Variants in UNC13B observed in about 807,000 individuals in gnomAD.
UNC13B encodes unc-13 homolog B.
A neutral mutation model predicts 211.0 loss-of-function variants in UNC13B; 144 were observed. That is an observed-to-expected ratio of 0.68 (90% confidence interval 0.60 to 0.78). The LOEUF (loss-of-function observed/expected upper bound fraction) is 0.78. Ranked by LOEUF, UNC13B falls within the 30% of genes least tolerant of loss-of-function variation. The probability of loss-of-function intolerance (pLI) is 0.00; values close to 1 mark genes in which losing one functional copy is unlikely to be tolerated. For missense variants in UNC13B, 1,777 were observed against 2,002.0 expected (o/e 0.89, Z 2.14); for synonymous variants, 709 against 725.8 (o/e 0.98, Z 0.37).
At chr9:35,394,046 G>A (rs1198221923) in intron 26 of UNC13B, among the ~76,000 whole-genome samples, 5 of 152,148 alleles carry the variant, frequency 3.3e-5, no homozygotes, top group South Asian at 2.1e-4. Flanking sequence ...GTTACAGATG[G>A]GGGTAATGAG....
intron 35 of UNC13B, 59 bp downstream of exon 35, chr9:35,399,507 G>A: frequency 6.2e-7 from 1 of 1,611,510 alleles, no homozygotes; most frequent in Non-Finnish European, 8.5e-7. Flanking sequence ...ATGGAGAGAG[G>A]GTGGCTGCGG....
At chr9:35,194,785 G>A (rs1822847047) in intron 1 of UNC13B, among the ~76,000 whole-genome samples, 1 of 152,068 alleles carries the variant, frequency 6.6e-6, no homozygotes, top group Non-Finnish European at 1.5e-5. Context: ...TGTTGTCTGG[G>A]GTAAATACCC....
chr9:35,348,769 A>G (rs1407078783), intron 11 of UNC13B, among the ~76,000 whole-genome samples: 2 of 152,320 alleles, frequency 1.3e-5, no homozygotes, highest in African/African-American at 4.8e-5. Flanking sequence ...TGAGGAAACT[A>G]ATTCACATAG....
At chr9:35,351,035 C>T (rs1832689121) in intron 11 of UNC13B, among the ~76,000 whole-genome samples, 1 of 152,310 alleles carries the variant, frequency 6.6e-6, no homozygotes, top group East Asian at 1.9e-4. Context: ...CTCCCAGCAG[C>T]TTGTCTCAAT....
chr9:35,290,081 A>G (rs1008638197), intron 7 of UNC13B, among the ~76,000 whole-genome samples: 1 of 152,160 alleles, frequency 6.6e-6, no homozygotes, highest in Non-Finnish European at 1.5e-5. Context: ...AGTTTCTTGA[A>G]ATTCAATTTG....
At chr9:35,342,171 A>G (rs751696971) in intron 11 of UNC13B, 17 of 985,428 alleles carry the variant, frequency 1.7e-5, no homozygotes, top group Admixed American at 6.1e-5. Context: ...TCGGTTGGGC[A>G]AGCAGTGGTG....
In UNC13B at chr9:35,397,632, C is replaced by G. The variant is rs1378855977; in HGVS notation, c.11677-3C>G. ...CCTTTTCTTTCCTTTCTCCTCTTCT[C>G]AGACCATCGGGAAGGTGCTGATGCA... On this transcript the variant is annotated splice_polypyrimidine_tract_variant and splice_region_variant and intron_variant, in intron 29 of 39. Coordinates refer to ENST00000635942, the MANE Select transcript of UNC13B (RefSeq NM_001371189.2). 4 of 1,612,630 alleles carry G rather than the reference C, an allele frequency of 2.5e-6. No homozygotes were observed. The African/African-American group carries it at 4.0e-5, about 16-fold the overall frequency.
intron 7 of UNC13B, among the ~76,000 whole-genome samples, chr9:35,286,226 C>CTTTTT (rs777657602): frequency 8.5e-5 from 10 of 117,652 alleles, no homozygotes; most frequent in Non-Finnish European, 1.4e-4. Flanking sequence ...AAGCTTGGAA[C>CTTTTT]TTTTTTTTTT....
At chr9:35,352,795 T>C in intron 11 of UNC13B, 2 of 1,232,136 alleles carry the variant, frequency 1.6e-6, no homozygotes, top group South Asian at 8.2e-5. Flanking sequence ...CTACCCCCCA[T>C]CAGTTTGAGG....
chr9:35,402,662 G>C (rs1216183651), intron 37 of UNC13B, among the ~76,000 whole-genome samples: 1 of 152,070 alleles, frequency 6.6e-6, no homozygotes, highest in African/African-American at 2.4e-5. Context: ...GAACTGGGGA[G>C]TTCATTCTAT....
intron 13 of UNC13B, among the ~76,000 whole-genome samples, chr9:35,371,149 T>C (rs906876819): frequency 3.9e-5 from 6 of 152,174 alleles, no homozygotes; most frequent in African/African-American, 7.2e-5. Flanking sequence ...CTGTTTCTGT[T>C]TTCTTTTTTC....
At chr9:35,325,346 A>T (rs1830947189) in intron 11 of UNC13B, among the ~76,000 whole-genome samples, 1 of 152,206 alleles carries the variant, frequency 6.6e-6, no homozygotes, top group East Asian at 1.9e-4. Flanking sequence ...TTGGTTGAGA[A>T]AAAAAATTTT....
chr9:35,290,190 T>C (rs1274664130), intron 7 of UNC13B, among the ~76,000 whole-genome samples: 1 of 152,114 alleles, frequency 6.6e-6, no homozygotes, highest in African/African-American at 2.4e-5. Context: ...TTCTGTGTTT[T>C]AGTGGATTTT....
chr9:35,289,006 T>A (rs1228451339), intron 7 of UNC13B, among the ~76,000 whole-genome samples: 2 of 316 alleles, frequency 6.3e-3, no homozygotes, highest in Non-Finnish European at 0.048. Flanking sequence ...ACAGGAGGGT[T>A]TTTTTTTTTT....
chr9:35,206,405 C>T (rs72725004), intron 1 of UNC13B, among the ~76,000 whole-genome samples: 238 of 152,102 alleles, frequency 1.6e-3, no homozygotes, highest in Middle Eastern at 3.4e-3. Flanking sequence ...CCCCTGGTAA[C>T]CACTAATCTG....
chr9:35,362,724 C>T (rs10972445), intron 11 of UNC13B, among the ~76,000 whole-genome samples: 20,767 of 149,864 alleles, frequency 0.14, 1,802 homozygotes, highest in Admixed American at 0.25. Context: ...GGTGTGAACC[C>T]AGGAGGTGGA....
chr9:35,216,957 A>G (rs1166992841), intron 1 of UNC13B, among the ~76,000 whole-genome samples: 1 of 152,212 alleles, frequency 6.6e-6, no homozygotes, highest in African/African-American at 2.4e-5. Flanking sequence ...CATTCTGCAA[A>G]TGACAAAATG....
At chr9:35,362,254 T>TGCAGAGA (rs113845948) in intron 11 of UNC13B, among the ~76,000 whole-genome samples, 4 of 151,988 alleles carry the variant, frequency 2.6e-5, no homozygotes, top group African/African-American at 9.7e-5. Context: ...AGGGACAGAG[T>TGCAGAGA]GCAGAGAGGG....
rs959275254 is a variant in UNC13B, at chr9:35,303,873, A to T, written c.4469A>T (p.Asp1490Val). 1.5e-5 allele frequency: 6 copies of T among 398,694 alleles called. No homozygotes were observed. Among genetic ancestry groups the T allele is most frequent in the Non-Finnish European group, 2.7e-5 (6 of 225,868 alleles). 24.7% of individuals were successfully genotyped at this position (398,694 alleles called of 1,614,324 possible). ...GAAAAGACTACATGCCCCGTAGTTG[A>T]TCAAGAATCATTAAGAATGGATGAA... Reference protein sequence around the residue: ...DHEKTTCPVVDQESLRMDENF... With the variant: ...DHEKTTCPVVVQESLRMDENF... Residue 1490 changes from aspartate to valine, a missense_variant, in exon 9 of 40, where the codon GAT becomes GTT. By Grantham distance (152) the Asp-to-Val change is radical. Transcript: ENST00000635942.
Sources: gnomAD v4.1 joint callset for allele counts (sites outside exome capture counted in the v4.1 genomes callset) on GRCh38, gnomAD v4.1.1 for gene constraint, MANE v1.5 for transcripts, NCBI Gene and HGNC (gene_info 2026-07-23, HGNC 2026-07-21) for gene names.